GRIK1: variants seen among roughly 807,000 people sequenced by gnomAD.
GRIK1 encodes the protein glutamate ionotropic receptor kainate type subunit 1.
A neutral mutation model predicts 105.7 loss-of-function variants in GRIK1; 69 were observed. That is an observed-to-expected ratio of 0.65 (90% CI 0.54 to 0.80). GRIK1 has a LOEUF of 0.80. Among genes scored for constraint, GRIK1 ranks in the 30% least tolerant of loss-of-function variants. The probability of loss-of-function intolerance (pLI) is 0.00; values close to 1 mark genes in which losing one functional copy is unlikely to be tolerated. For synonymous variants in GRIK1, 438 were observed against 431.3 expected (o/e 1.02, Z -0.19); for missense variants, 1,109 against 1,167.3 (o/e 0.95, Z 0.73).
At chr21:29,575,436 C>T (rs2090867106) in intron 14 of GRIK1, among the ~76,000 whole-genome samples, 2 of 151,618 alleles carry the variant, frequency 1.3e-5, no homozygotes, top group Admixed American at 6.6e-5. Flanking sequence ...ACTTATACCT[C>T]CTAAATCTAT....
intron 1 of GRIK1, among the ~76,000 whole-genome samples, chr21:29,858,815 C>A (rs2068544467): frequency 6.6e-6 from 1 of 151,836 alleles, no homozygotes; most frequent in African/African-American, 2.4e-5. Flanking sequence ...TCCACCCTGG[C>A]AGTCTCAGAA....
At chr21:29,717,999 T>A (rs2064220924) in intron 1 of GRIK1, among the ~76,000 whole-genome samples, 1 of 152,124 alleles carries the variant, frequency 6.6e-6, no homozygotes, top group South Asian at 2.1e-4. Context: ...TCTCACAAGA[T>A]CTGATGGTTT....
At chr21:29,863,335 G>A (rs183744086) in intron 1 of GRIK1, among the ~76,000 whole-genome samples, 1 of 152,242 alleles carries the variant, frequency 6.6e-6, no homozygotes, top group African/African-American at 2.4e-5. Context: ...AACTTTTTAT[G>A]TGTGGTTGCC....
intron 4 of GRIK1, among the ~76,000 whole-genome samples, chr21:29,656,354 C>CAAAAAAAAAAAAAAAAAAAAAAAAAAAAA (rs3054331): frequency 2.0e-5 from 1 of 51,132 alleles, no homozygotes; most frequent in Non-Finnish European, 4.6e-5. Context: ...GAGCGAGACT[C>CAAAAAAAAAAAAAAAAAAAAAAAAAAAAA]AAAAAAAAAA....
intron 1 of GRIK1, among the ~76,000 whole-genome samples, chr21:29,795,484 T>C (rs1489446362): frequency 6.6e-6 from 1 of 152,214 alleles, no homozygotes; most frequent in Non-Finnish European, 1.5e-5. Context: ...CAAGCCTCTC[T>C]GGGTAACCTG....
intron 7 of GRIK1, among the ~76,000 whole-genome samples, chr21:29,620,798 T>TAG (rs1412526003): frequency 0.022 from 2,323 of 107,530 alleles, 53 homozygotes; most frequent in Admixed American, 0.06. Flanking sequence ...TATATCTATA[T>TAG]ATATATAGAT....
intron 1 of GRIK1, among the ~76,000 whole-genome samples, chr21:29,891,289 G>A (rs920201924): frequency 2.0e-5 from 3 of 152,052 alleles, no homozygotes; most frequent in Admixed American, 6.5e-5. Flanking sequence ...CAGTATCATC[G>A]AGAATCTCAC....
Position 29,851,056 on chromosome 21 carries a change from C to CT in GRIK1, c.118+88326dup, listed in dbSNP as rs11301678. ...AAAATGAATCAACTAGAAATGATTT[C>CT]TTTTTTTTTTTTTCTTGAGATGGAG... On this transcript the variant is annotated intron_variant, in intron 1 of 17. Coordinates refer to ENST00000327783, the MANE Select transcript of GRIK1 (RefSeq NM_001330994.2). Among the ~76,000 whole-genome samples, 607 of 146,338 alleles carry CT rather than the reference C, an allele frequency of 4.1e-3. 1 individual carries two copies. The highest frequency in any genetic ancestry group is 0.012 in the African/African-American group (469 of 39,948).
At chr21:29,832,698 G>A (rs928246100) in intron 1 of GRIK1, among the ~76,000 whole-genome samples, 1 of 152,196 alleles carries the variant, frequency 6.6e-6, no homozygotes, top group Non-Finnish European at 1.5e-5. Flanking sequence ...GGCCCAGCCT[G>A]CAAAACCATT....
intron 14 of GRIK1, among the ~76,000 whole-genome samples, chr21:29,575,880 C>T (rs2090881198): frequency 6.6e-6 from 1 of 151,964 alleles, no homozygotes; most frequent in Non-Finnish European, 1.5e-5. Context: ...AAGAAACAAA[C>T]AAACAAAAAA....
intron 4 of GRIK1, among the ~76,000 whole-genome samples, chr21:29,672,634 A>T (rs555938264): frequency 3.9e-4 from 60 of 152,264 alleles, no homozygotes; most frequent in Non-Finnish European, 6.8e-4. Flanking sequence ...GTGGAAATGA[A>T]ATCTGGCACA....
At chr21:29,721,583 T>C (rs1156700147) in intron 1 of GRIK1, among the ~76,000 whole-genome samples, 2 of 136,258 alleles carry the variant, frequency 1.5e-5, no homozygotes, top group African/African-American at 5.6e-5. Flanking sequence ...TGAATGAGAG[T>C]AGCAGGAGAA....
At chr21:29,719,617 C>A (rs1601527151) in intron 1 of GRIK1, among the ~76,000 whole-genome samples, 1 of 152,068 alleles carries the variant, frequency 6.6e-6, no homozygotes, top group African/African-American at 2.4e-5. Flanking sequence ...TTTCTCCAGC[C>A]AGCATGGTCA....
intron 7 of GRIK1, among the ~76,000 whole-genome samples, chr21:29,602,891 T>C (rs2061544231): frequency 6.6e-6 from 1 of 152,150 alleles, no homozygotes; most frequent in South Asian, 2.1e-4. Context: ...GATATCTCTT[T>C]TATAATTGAG....
intron 10 of GRIK1, 51 bp downstream of exon 10, chr21:29,591,061 C>A: frequency 1.0e-6 from 1 of 987,172 alleles, no homozygotes; most frequent in East Asian, 2.4e-5. Context: ...GCTTCGAAGT[C>A]TAAGGCAGGA....
At chr21:29,914,621 G>A (rs2070931789) in intron 1 of GRIK1, among the ~76,000 whole-genome samples, 1 of 152,066 alleles carries the variant, frequency 6.6e-6, no homozygotes, top group Admixed American at 6.6e-5. Flanking sequence ...AGATAGCATT[G>A]CATTTCTCTT....
intron 1 of GRIK1, among the ~76,000 whole-genome samples, chr21:29,844,153 T>C (rs1181857974): frequency 6.6e-6 from 1 of 152,226 alleles, no homozygotes; most frequent in Non-Finnish European, 1.5e-5. Flanking sequence ...TCATTGCATT[T>C]TTTTTCCTTT....
intron 6 of GRIK1, among the ~76,000 whole-genome samples, chr21:29,643,442 A>G (rs1371918278): frequency 6.6e-6 from 1 of 152,232 alleles, no homozygotes; most frequent in Non-Finnish European, 1.5e-5. Context: ...ATTTCCAGAT[A>G]AGGATACTGG....
At chr21:29,818,184 T>C (rs144664286) in intron 1 of GRIK1, among the ~76,000 whole-genome samples, 355 of 152,222 alleles carry the variant, frequency 2.3e-3, no homozygotes, top group African/African-American at 7.9e-3. Flanking sequence ...ATTTCAACCA[T>C]GTAAAACAAC....
Sources: allele counts gnomAD v4.1 joint callset (sites outside exome capture counted in the v4.1 genomes callset), GRCh38; gene constraint gnomAD v4.1.1; transcripts MANE v1.5; gene names NCBI Gene and HGNC (gene_info 2026-07-23, HGNC 2026-07-21).